Variants in PPIP5K2 observed in about 807,000 individuals in gnomAD.
The protein encoded by PPIP5K2 is diphosphoinositol pentakisphosphate kinase 2.
In PPIP5K2, 105 loss-of-function variants were observed where a neutral mutation model predicts 154.6. The ratio of observed to expected loss-of-function variants is 0.68; its 90% CI spans 0.58 to 0.80. PPIP5K2 has a LOEUF of 0.80. Among genes scored for constraint, PPIP5K2 ranks in the 30% least tolerant of loss-of-function variants. The pLI, the probability that PPIP5K2 is intolerant of heterozygous loss-of-function variation, is 0.00. For missense variants in PPIP5K2, 992 were observed against 1,504.6 expected (o/e 0.66, Z 5.64); for synonymous variants, 480 against 490.3 (o/e 0.98, Z 0.28).
intron 29 of PPIP5K2, among the ~76,000 whole-genome samples, chr5:103,194,466 A>C (rs1486826164): frequency 6.6e-6 from 1 of 152,146 alleles, no homozygotes; most frequent in African/African-American, 2.4e-5. Context: ...GCCAGTTGAA[A>C]TTTATCCTCC....
chr5:103,186,562 C>A (rs570730022), intron 27 of PPIP5K2, 123 bp downstream of exon 27: 5 of 1,353,324 alleles, frequency 3.7e-6, no homozygotes, highest in Non-Finnish European at 5.1e-6. Context: ...CATCTTTTGC[C>A]TAAATGACTA....
intron 4 of PPIP5K2, 80 bp from the exon 5 acceptor site, chr5:103,138,304 G>T: frequency 1.3e-6 from 1 of 778,950 alleles, no homozygotes; most frequent in South Asian, 2.5e-5. Context: ...CAACAATAAT[G>T]TCTTTTAAGA....
At position 103,151,350 on chromosome 5, in the gene PPIP5K2, A is replaced by G. The variant is rs531649413; in HGVS notation, c.1004A>G (p.Tyr335Cys). 6.2e-7 allele frequency: 1 copy of G among 1,608,706 alleles called. No homozygotes were observed. The highest frequency in any genetic ancestry group is 2.2e-5 in the East Asian group (1 of 44,694). Residue 335 changes from tyrosine (Y) to cysteine (C), a missense_variant, in exon 9 of 31, where the codon TAT becomes TGT. Coordinates refer to ENST00000358359, the MANE Select transcript of PPIP5K2 (RefSeq NM_001276277.3). ...TTTGTGAAAAATTCCATGAAGTATT[A>G]TGATGACTGTGCAAAAATACTTGGG... ...FSFVKNSMKY[Y>C]DDCAKILGNI...
chr5:103,165,613 T>C (rs1276452406), intron 17 of PPIP5K2, among the ~76,000 whole-genome samples: 1 of 152,090 alleles, frequency 6.6e-6, no homozygotes, highest in African/African-American at 2.4e-5. Flanking sequence ...AGCAAATTTA[T>C]GGTGAAGCTT....
chr5:103,207,576 C>CTATATA lies in PPIP5K2; in HGVS notation c.*5955_*5960dup, dbSNP rs146326886. 2 of 148,854 alleles carry CTATATA rather than the reference C, an allele frequency of 1.3e-5. No individual in the cohort carries two copies. The highest frequency in any genetic ancestry group is 1.5e-5 in the Non-Finnish European group (1 of 66,996). 9.2% of individuals were successfully genotyped at this position (148,854 alleles called of 1,614,324 possible). A position where few individuals can be genotyped will look rare whatever the true frequency, so the allele number is the denominator to read the frequency against. The stretch of plus-strand genomic sequence containing the variant: ...TTTGAATTATATTTAATTTTAAAGT[C>CTATATA]TATATATATATATATATAGATCCTA... On this transcript the variant is annotated 3_prime_UTR_variant, in exon 31 of 31. Coordinates refer to ENST00000358359, the MANE Select transcript of PPIP5K2 (RefSeq NM_001276277.3).
At chr5:103,201,232 T>G (rs902810264) in intron 30 of PPIP5K2, among the ~76,000 whole-genome samples, 5 of 152,346 alleles carry the variant, frequency 3.3e-5, no homozygotes, top group Non-Finnish European at 7.4e-5. Context: ...TAAAAATCAT[T>G]AGCACAATGG....
chr5:103,167,645 G>A (rs1223737370), intron 18 of PPIP5K2, among the ~76,000 whole-genome samples: 1 of 151,884 alleles, frequency 6.6e-6, no homozygotes, highest in Non-Finnish European at 1.5e-5. Flanking sequence ...AAGCTTACTT[G>A]GTTAGTAACT....
rs78079723 is a variant in PPIP5K2 at position 103,139,283 on chromosome 5, A to C, written c.487+814A>C. ...CTTAAACCATCTTTTATTAAAAACT[A>C]GGGGGGAGGCAGAACAAGATGGCCA... is the stretch of plus-strand genomic sequence containing the variant. On this transcript the variant is annotated intron_variant, in intron 5 of 30. Transcript: ENST00000358359. Among the ~76,000 whole-genome samples, 1,028 of 152,280 alleles carry C rather than the reference A, an allele frequency of 6.8e-3. 7 individuals carry two copies. The highest frequency in any genetic ancestry group is 0.013 in the Non-Finnish European group (855 of 68,006).
At chr5:103,163,070 G>C (rs1455208203) in intron 17 of PPIP5K2, among the ~76,000 whole-genome samples, 2 of 144,442 alleles carry the variant, frequency 1.4e-5, no homozygotes, top group Non-Finnish European at 3.0e-5. Flanking sequence ...CACCCCAAAT[G>C]GATCCTTCTT....
rs1803843254 is a variant in PPIP5K2 at position 103,212,201 on chromosome 5, CA to C, written c.*10568del. ...TGACTGGACCACAAATATAAAATCTCATGCCCTCTCATTATCTTGATAAGCC... is the reference window on the plus strand; with the variant it reads ...TGACTGGACCACAAATATAAAATCTCTGCCCTCTCATTATCTTGATAAGCC... On this transcript the variant is annotated 3_prime_UTR_variant, in exon 31 of 31. Transcript: ENST00000358359. 2 of 152,218 alleles carry C rather than the reference CA, an allele frequency of 1.3e-5. No homozygotes were observed. Among genetic ancestry groups the C allele is most frequent in the African/African-American group, 4.8e-5 (2 of 41,424 alleles). The allele number at this position is 152,218 out of a possible 1,614,324, so 9.4% of individuals were successfully genotyped here.
intron 21 of PPIP5K2, among the ~76,000 whole-genome samples, chr5:103,177,335 A>G (rs1319837944): frequency 6.6e-6 from 1 of 151,954 alleles, no homozygotes; most frequent in Non-Finnish European, 1.5e-5. Context: ...TAGCATCCCT[A>G]ATCTGAAAAC....
intron 17 of PPIP5K2, among the ~76,000 whole-genome samples, chr5:103,159,830 G>T (rs368448936): frequency 1.3e-5 from 2 of 152,152 alleles, no homozygotes; most frequent in East Asian, 3.9e-4. Context: ...AAAACATATT[G>T]CTATTACTAT....
chr5:103,173,384 T>A, intron 20 of PPIP5K2, 102 bp downstream of exon 20: 2 of 1,291,098 alleles, frequency 1.5e-6, no homozygotes, highest in Non-Finnish European at 2.1e-6. Context: ...AAGTGTGTCA[T>A]TGGCATACTG....
At position 103,212,207 on chromosome 5, in the gene PPIP5K2, C is replaced by T. The variant is rs1803843610; in HGVS notation, c.*10573C>T. On this transcript the variant is annotated 3_prime_UTR_variant, in exon 31 of 31. Coordinates refer to ENST00000358359, the MANE Select transcript of PPIP5K2 (RefSeq NM_001276277.3). Reference sequence around the variant, plus strand: ...GACCACAAATATAAAATCTCATGCCCTCTCATTATCTTGATAAGCCCTATA... The same window carrying T: ...GACCACAAATATAAAATCTCATGCCTTCTCATTATCTTGATAAGCCCTATA... 2 of 152,198 alleles carry T rather than the reference C, an allele frequency of 1.3e-5. No individual in the cohort carries two copies. Among genetic ancestry groups the T allele is most frequent in the African/African-American group, 4.8e-5 (2 of 41,424 alleles). The allele number at this position is 152,198 out of a possible 1,614,324, so 9.4% of individuals were successfully genotyped here.
At chr5:103,167,482 A>G (rs1289695160) in intron 18 of PPIP5K2, among the ~76,000 whole-genome samples, 162 bp downstream of exon 18, 2 of 152,028 alleles carry the variant, frequency 1.3e-5, no homozygotes, top group East Asian at 3.8e-4. Flanking sequence ...TGGCTAAGTT[A>G]TAGTGGTTTT....
chr5:103,199,119 A>G (rs1396076447), intron 30 of PPIP5K2, among the ~76,000 whole-genome samples: 1 of 152,106 alleles, frequency 6.6e-6, no homozygotes, highest in Non-Finnish European at 1.5e-5. Context: ...TTACTTCCAC[A>G]TATATTATAA....
intron 9 of PPIP5K2, among the ~76,000 whole-genome samples, chr5:103,152,156 T>G (rs1554211544): frequency 1.3e-5 from 2 of 151,978 alleles, no homozygotes; most frequent in East Asian, 3.9e-4. Context: ...TAAGGGAGAG[T>G]TTACTAAATT....
At chr5:103,146,735 T>A (rs1377663131) in intron 6 of PPIP5K2, 54 bp downstream of exon 6, 38 of 1,430,720 alleles carry the variant, frequency 2.7e-5, no homozygotes, top group Non-Finnish European at 3.6e-5. Flanking sequence ...TTGTCGTGTA[T>A]TATTAAAAGC....
At chr5:103,190,814 T>G in intron 28 of PPIP5K2, 28 bp from the exon 29 acceptor site, 1 of 1,551,166 alleles carries the variant, frequency 6.4e-7, no homozygotes, top group Non-Finnish European at 8.7e-7. Flanking sequence ...ATCTTTTATT[T>G]TTTGTTTTTG....
Sources: allele counts gnomAD v4.1 joint callset (sites outside exome capture counted in the v4.1 genomes callset), GRCh38; gene constraint gnomAD v4.1.1; transcripts MANE v1.5; gene names NCBI Gene and HGNC (gene_info 2026-07-23, HGNC 2026-07-21).